The following DDB2 variants were observed in gnomAD, a reference collection of about 807,000 sequenced individuals.
The protein encoded by DDB2 is DNA damage-binding protein 2.
In DDB2, 27 loss-of-function variants were observed where a neutral mutation model predicts 50.5. The ratio of observed to expected loss-of-function variants is 0.53; its 90% CI spans 0.39 to 0.74. DDB2 has a LOEUF of 0.74. Among genes scored for constraint, DDB2 ranks in the 30% least tolerant of loss-of-function variants. DDB2 has a pLI of 0.00. For synonymous variants in DDB2, 176 were observed against 205.5 expected (o/e 0.86, Z 1.23); for missense variants, 424 against 545.6 (o/e 0.78, Z 2.22).
At chr11:47,231,119 C>CA (rs139290057) in intron 3 of DDB2, among the ~76,000 whole-genome samples, 13,564 of 58,318 alleles carry the variant, frequency 0.23, 1,935 homozygotes, top group Admixed American at 0.26. Flanking sequence ...GCCTTCATCT[C>CA]AAAAAAAAAA....
intron 3 of DDB2, 93 bp from the exon 4 acceptor site, chr11:47,232,721 G>T: frequency 7.1e-7 from 1 of 1,416,004 alleles, no homozygotes; most frequent in Non-Finnish European, 1.0e-6. Context: ...TGCTCGAGGG[G>T]TGCTTCTGTG....
chr11:47,238,317 A>T (rs1363758509), intron 9 of DDB2, 134 bp downstream of exon 9: 2 of 818,100 alleles, frequency 2.4e-6, no homozygotes, highest in Non-Finnish European at 4.1e-6. Flanking sequence ...GCTGGGAGAC[A>T]GTGGTCTCTA....
At chr11:47,219,496 G>T (rs1295302399) in intron 3 of DDB2, among the ~76,000 whole-genome samples, 1 of 152,004 alleles carries the variant, frequency 6.6e-6, no homozygotes, top group East Asian at 1.9e-4. Context: ...ATGTATCAGG[G>T]ACTACAGGTA....
chr11:47,238,075 GA>G, intron 8 of DDB2, 62 bp from the exon 9 acceptor site: 1 of 1,612,050 alleles, frequency 6.2e-7, no homozygotes, highest in Non-Finnish European at 8.5e-7. Context: ...AAAGTGACCA[GA>G]AATCAGGTGT....
rs758703538 is a variant in DDB2, at chr11:47,238,125, CTT to C, written c.1189-12_1189-11del. 1.1e-5 allele frequency: 17 copies of C among 1,612,492 alleles called. No homozygotes were observed. Among genetic ancestry groups the C allele is most frequent in the East Asian group, 8.9e-5 (4 of 44,856 alleles). On this transcript the variant is annotated splice_polypyrimidine_tract_variant and intron_variant, in intron 8 of 9. Transcript: ENST00000256996. ...TTCACCCTCTCCTCATGTTGACACT[CTT>C]GTCTCTGCAGCTTAATGAATTCAAT...
rs762306884 is a variant in DDB2, at chr11:47,238,797, T to C, written c.1235-3T>C. 13 of 1,613,556 alleles carry C rather than the reference T, an allele frequency of 8.1e-6. No individual in the cohort carries two copies. Among genetic ancestry groups the C allele is most frequent in the Middle Eastern group, 1.6e-4 (1 of 6,066 alleles). On this transcript the variant is annotated splice_region_variant and splice_polypyrimidine_tract_variant and intron_variant, in intron 9 of 9. Transcript: ENST00000256996. ...TAAGTCAGACTGGTCTCACTCTTCC[T>C]AGGTTACCACATTCTCATCTGGAGC...
At chr11:47,220,061 T>G (rs1590990506) in intron 3 of DDB2, among the ~76,000 whole-genome samples, 2 of 152,272 alleles carry the variant, frequency 1.3e-5, no homozygotes, top group East Asian at 3.9e-4. Context: ...AGTGCTGGGA[T>G]TACAGGCGTG....
chr11:47,233,181 T>G, intron 4 of DDB2: 1 of 605,176 alleles, frequency 1.7e-6, no homozygotes, highest in South Asian at 1.8e-5. Flanking sequence ...GCCTCAGCTC[T>G]TCTGTAAGTC....
intron 3 of DDB2, among the ~76,000 whole-genome samples, chr11:47,226,051 G>A (rs909092703): frequency 6.6e-6 from 1 of 152,260 alleles, no homozygotes; most frequent in Admixed American, 6.5e-5. Context: ...TGGCTATTGT[G>A]AATAATGCTG....
chr11:47,239,124 A>T lies in DDB2; in HGVS notation c.*275A>T. 1 of 468,012 alleles carries T rather than the reference A, an allele frequency of 2.1e-6. No individual in the cohort carries two copies. The highest frequency in any genetic ancestry group is 3.9e-6 in the Non-Finnish European group (1 of 253,966). 29.0% of individuals were successfully genotyped at this position (468,012 alleles called of 1,614,324 possible). ...ACCAAGGTTATCTTGGAACTAAATG[A>T]CTTTTCTCCTCTCAGTGGGTGGTAG... On this transcript the variant is annotated 3_prime_UTR_variant, in exon 10 of 10. Transcript: ENST00000256996.
Position 47,237,795 on chromosome 11 carries a change from T to A in DDB2, c.1024-42T>A, listed in dbSNP as rs569232837. The A allele has an allele frequency of 3.7e-6, 6 of 1,603,644 alleles. No individual in the cohort carries two copies. In the South Asian group the frequency reaches 6.6e-5, roughly 18 times the overall value. ...TTGTTTTTGATGTCCCCCTTGATCA[T>A]GTTCTGTGTTTACCCTCATGGCCGG... On this transcript the variant is annotated intron_variant, in intron 7 of 9. Transcript: ENST00000256996.
chr11:47,237,434 CTTTTT>C (rs564311013), intron 7 of DDB2, among the ~76,000 whole-genome samples: 1 of 139,220 alleles, frequency 7.2e-6, no homozygotes, highest in African/African-American at 2.7e-5. Context: ...GCAAATACTA[CTTTTT>C]TTTTTTTTTT....
intron 3 of DDB2, among the ~76,000 whole-genome samples, chr11:47,231,586 C>T (rs4647736): frequency 0.069 from 10,497 of 152,156 alleles, 406 homozygotes; most frequent in South Asian, 0.11. Context: ...TGCAGTGATT[C>T]GATCGCAACT....
At chr11:47,214,807 T>G, upstream of DDB2, 3 of 396,912 alleles carry the variant, frequency 7.6e-6, no homozygotes, top group Non-Finnish European at 9.4e-6. Context: ...CCGGGGACCA[T>G]CTTTGCTCCA....
At chr11:47,229,683 CAT>C (rs760651900) in intron 3 of DDB2, 6 of 302,614 alleles carry the variant, frequency 2.0e-5, no homozygotes, top group Non-Finnish European at 3.3e-5. Flanking sequence ...GAATTGAAGA[CAT>C]TGATACAAAT....
Position 47,238,894 on chromosome 11 carries a change from C to T in DDB2, c.*45C>T. On this transcript the variant is annotated 3_prime_UTR_variant, in exon 10 of 10. Transcript: ENST00000256996. ...GGGCCAGACAAGGCCTTGGAGCCCACACATGGGATCAAGTCCTGCAAGCAG... is the reference window on the plus strand; with the variant it reads ...GGGCCAGACAAGGCCTTGGAGCCCATACATGGGATCAAGTCCTGCAAGCAG... 1 of 1,598,130 alleles carries T rather than the reference C, an allele frequency of 6.3e-7. No homozygotes were observed. The highest frequency in any genetic ancestry group is 1.1e-5 in the South Asian group (1 of 90,692).
Position 47,239,032 on chromosome 11 carries a change from G to A in DDB2, c.*183G>A. The stretch of plus-strand genomic sequence containing the variant: ...ACTTTTATGTTAATGCTCTGGACTT[G>A]CCTCCAGAGACTGCTCCAGAGTTGG... On this transcript the variant is annotated 3_prime_UTR_variant, in exon 10 of 10. Coordinates refer to ENST00000256996, the MANE Select transcript of DDB2 (RefSeq NM_000107.3). 2 of 615,086 alleles carry A rather than the reference G, an allele frequency of 3.3e-6. No individual in the cohort carries two copies. The highest frequency in any genetic ancestry group is 2.9e-6 in the Non-Finnish European group (1 of 346,870). The allele number at this position is 615,086 out of a possible 1,614,324, so 38.1% of individuals were successfully genotyped here. A position where few individuals can be genotyped will look rare whatever the true frequency, so the allele number is the denominator to read the frequency against.
intron 3 of DDB2, chr11:47,229,759 AT>A (rs755880983): frequency 1.5e-5 from 6 of 404,310 alleles, no homozygotes; most frequent in African/African-American, 4.3e-5. Context: ...TTCCTTTTAC[AT>A]TTTTATTACC....
intron 3 of DDB2, among the ~76,000 whole-genome samples, chr11:47,227,707 T>G (rs1158364889): frequency 6.6e-6 from 1 of 152,094 alleles, no homozygotes; most frequent in Non-Finnish European, 1.5e-5. Context: ...CTTTGCATTC[T>G]TGGAATAAGT....
Sources: allele counts gnomAD v4.1 joint callset (sites outside exome capture counted in the v4.1 genomes callset), GRCh38; gene constraint gnomAD v4.1.1; transcripts MANE v1.5; gene names NCBI Gene and HGNC (gene_info 2026-07-23, HGNC 2026-07-21).